The following ZNF217 variants were observed in gnomAD, a reference collection of about 807,000 sequenced individuals.
The protein encoded by ZNF217 is zinc finger protein 217.
In ZNF217, 12 loss-of-function variants were observed where a neutral mutation model predicts 73.3. The ratio of observed to expected loss-of-function variants is 0.16; its 90% confidence interval spans 0.10 to 0.27. The LOEUF (loss-of-function observed/expected upper bound fraction) is 0.27, where lower values mean the gene tolerates loss of function less well. Ranked by LOEUF, ZNF217 falls within the 10% of genes least tolerant of loss-of-function variation. The pLI, the probability that ZNF217 is intolerant of heterozygous loss-of-function variation, is 1.00. For synonymous variants in ZNF217, 588 were observed against 516.4 expected (o/e 1.14, Z -1.88); for missense variants, 1,195 against 1,327.8 (o/e 0.90, Z 1.55).
At chr20:53,580,298 C>T (rs527796102) in intron 2 of ZNF217, among the ~76,000 whole-genome samples, 31 of 152,152 alleles carry the variant, frequency 2.0e-4, no homozygotes, top group African/African-American at 5.6e-4. Flanking sequence ...CTCATACACC[C>T]AGTTTTCCGA....
chr20:53,594,040 C>T (rs893511881), upstream of ZNF217, among the ~76,000 whole-genome samples: 27 of 148,086 alleles, frequency 1.8e-4, no homozygotes, highest in Non-Finnish European at 3.6e-4. Context: ...TCCAAGACCC[C>T]CCCCCAACAA....
In ZNF217 at chr20:53,581,710, TCTC is replaced by T; in HGVS notation, c.1114_1116del (p.Glu372del). 1.9e-6 allele frequency: 3 copies of T among 1,614,216 alleles called. No homozygotes were observed. Among genetic ancestry groups the T allele is most frequent in the Non-Finnish European group, 1.7e-6 (2 of 1,180,032 alleles). ...CCGCACTCGGAGCAGTGAGTGGGCT[TCTC>T]CTTGCTACTGGGTAACTTGGGATCC... On this transcript the variant is annotated inframe_deletion, in exon 2 of 6. Transcript: ENST00000371471. The surrounding 1 kb of genome is among the most constrained non-coding windows in gnomAD (Gnocchi z 4.9).
chr20:53,594,297 G>C (rs889009468), upstream of ZNF217, among the ~76,000 whole-genome samples: 11 of 150,918 alleles, frequency 7.3e-5, no homozygotes, highest in Non-Finnish European at 1.3e-4. Context: ...GCCCTCCCTC[G>C]GCCCCGCCGC....
At chr20:53,590,314 G>T (rs1988834543) in intron 1 of ZNF217, among the ~76,000 whole-genome samples, 2 of 152,156 alleles carry the variant, frequency 1.3e-5, no homozygotes, top group Non-Finnish European at 2.9e-5. Context: ...AAACTGAAAT[G>T]GGAAATTAGG....
chr20:53,595,634 T>G (rs1989028403), upstream of ZNF217, among the ~76,000 whole-genome samples: 1 of 152,268 alleles, frequency 6.6e-6, no homozygotes, highest in African/African-American at 2.4e-5. Flanking sequence ...TGCCAGTAGA[T>G]TCTTAGGCCA....
In ZNF217 at chr20:53,581,763, T is replaced by C. The variant is rs985790501; in HGVS notation, c.1064A>G (p.His355Arg). The C allele has an allele frequency of 5.0e-6, 8 of 1,614,120 alleles. No homozygotes were observed. In the Admixed American group the frequency reaches 6.7e-5, roughly 13 times the overall value. Residue 355 changes from histidine (H) to arginine (R), a missense_variant, in exon 2 of 6, where the codon CAC becomes CGC. Physicochemically the swap from His to Arg is conservative, Grantham distance 29. Coordinates refer to ENST00000371471, the MANE Select transcript of ZNF217 (RefSeq NM_006526.3). This position sits in a 1 kb window ranked among gnomAD's most constrained non-coding sequence, Gnocchi z 4.9. The stretch of plus-strand genomic sequence containing the variant: ...CGCGTCCACGGAGGGCGCTTCGCCG[T>C]GGGAGTGTTTGCACTTCTCTTTCTC... ...SQEKEKCKHSHGEAPSVDADP... is the reference protein window; with the variant it reads ...SQEKEKCKHSRGEAPSVDADP...
intron 4 of ZNF217, among the ~76,000 whole-genome samples, chr20:53,572,314 AG>A (rs1024610714): frequency 4.7e-4 from 72 of 152,212 alleles, no homozygotes; most frequent in African/African-American, 1.7e-3. Context: ...CTGAGACGGA[AG>A]GATGGAAGGA....
intron 1 of ZNF217, among the ~76,000 whole-genome samples, chr20:53,588,241 G>C (rs1248237215): frequency 6.6e-6 from 1 of 151,978 alleles, no homozygotes; most frequent in African/African-American, 2.4e-5. Flanking sequence ...GGTCAGTTAA[G>C]GGATCTTAGT....
At chr20:53,569,363 C>T (rs1987890988) in intron 5 of ZNF217, 99 bp from the exon 6 acceptor site, 1 of 834,094 alleles carries the variant, frequency 1.2e-6, no homozygotes, top group South Asian at 1.8e-5. Context: ...ACCAAACTGA[C>T]CTAGAAATGC....
At chr20:53,569,635 T>C (rs1431996138) in intron 5 of ZNF217, among the ~76,000 whole-genome samples, 1 of 152,176 alleles carries the variant, frequency 6.6e-6, no homozygotes, top group Non-Finnish European at 1.5e-5. Flanking sequence ...CTGCCCGCCT[T>C]GGCCTCCCAA....
At position 53,576,030 on chromosome 20, in the gene ZNF217, A is replaced by C; in HGVS notation, c.2734T>G (p.Phe912Val). The C allele has an allele frequency of 6.2e-7, 1 of 1,614,150 alleles. No homozygotes were observed. The highest frequency in any genetic ancestry group is 8.5e-7 in the Non-Finnish European group (1 of 1,180,026). Reference protein sequence around the residue: ...NRSASNTAAEFGEPLPKRLKS... With the variant: ...NRSASNTAAEVGEPLPKRLKS... Reference sequence around the variant, plus strand: ...AGTCTTTTTGGAAGGGGCTCACCAAATTCTGCTGCAGTATTGCTGGCACTC... The same window carrying C: ...AGTCTTTTTGGAAGGGGCTCACCAACTTCTGCTGCAGTATTGCTGGCACTC... The change falls in exon 4 of 6, where the codon TTT becomes GTT. Residue 912 changes from phenylalanine to valine, a missense_variant. By Grantham distance (50) the Phe-to-Val change is conservative. Around this residue, in one of 9 missense-constraint regions of ZNF217, gnomAD observed 649 missense variants for 642.8 expected, o/e 1.01. Transcript: ENST00000371471.
chr20:53,584,541 T>C lies in ZNF217; in HGVS notation c.-342-1373A>G, dbSNP rs564821045. ...AGTCTTTTCTTTGTTGCTATCACAA[T>C]GGAGGATCAACACATGGGCTGGTGA... is the stretch of plus-strand genomic sequence containing the variant. On this transcript the variant is annotated intron_variant, in intron 1 of 5. Transcript: ENST00000371471. 9.8e-5 allele frequency among the ~76,000 whole-genome samples: 15 copies of C among 152,334 alleles called. No individual in the cohort carries two copies. The East Asian group carries it at 2.3e-3, about 23-fold the overall frequency.
intron 1 of ZNF217, among the ~76,000 whole-genome samples, chr20:53,591,659 T>A (rs938510246): frequency 6.6e-6 from 1 of 152,206 alleles, no homozygotes; most frequent in African/African-American, 2.4e-5. Flanking sequence ...AAAAGTTATC[T>A]ACCATTAAGG....
At chr20:53,593,567 C>T (rs1988959474) in intron 1 of ZNF217, among the ~76,000 whole-genome samples, 189 bp downstream of exon 1, 1 of 151,796 alleles carries the variant, frequency 6.6e-6, no homozygotes, top group Non-Finnish European at 1.5e-5. Context: ...TTCCCGCGGG[C>T]GGAAGCGCAG....
At chr20:53,575,633 C>T (rs937742532) in intron 4 of ZNF217, 94 bp downstream of exon 4, 2 of 1,268,764 alleles carry the variant, frequency 1.6e-6, no homozygotes, top group Middle Eastern at 2.6e-4. Flanking sequence ...CTACCCCCCA[C>T]CCTTGGGAGT....
At position 53,567,305 on chromosome 20, in the gene ZNF217, T is replaced by C. The variant is rs1457385222; in HGVS notation, c.*1983A>G. On this transcript the variant is annotated 3_prime_UTR_variant, in exon 6 of 6. Transcript: ENST00000371471. Reference sequence around the variant, plus strand: ...AAATATAAAACCAGTAGTATACCAATAGTTAATACTGATGGACACAAAAAC... The same window carrying C: ...AAATATAAAACCAGTAGTATACCAACAGTTAATACTGATGGACACAAAAAC... 1.3e-5 allele frequency: 2 copies of C among 152,616 alleles called. No individual in the cohort carries two copies. The highest frequency in any genetic ancestry group is 4.8e-5 in the African/African-American group (2 of 41,456). 9.5% of individuals were successfully genotyped at this position (152,616 alleles called of 1,614,324 possible).
At chr20:53,579,327 T>G (rs965107251) in intron 2 of ZNF217, among the ~76,000 whole-genome samples, 2 of 152,166 alleles carry the variant, frequency 1.3e-5, no homozygotes, top group Non-Finnish European at 2.9e-5. Flanking sequence ...ATCATATCAC[T>G]ATCCACCTGT....
chr20:53,570,538 G>A (rs1799065617), intron 5 of ZNF217: 1 of 152,536 alleles, frequency 6.6e-6, no homozygotes, highest in African/African-American at 2.4e-5. Context: ...TCTTATTGTT[G>A]AATGAGTCAT....
rs752767264 is a variant in ZNF217 at position 53,581,577 on chromosome 20, G to A, written c.1250C>T (p.Pro417Leu). ...GGCGAGGTCAGGAGAACACGTCCCC[G>A]GCTGCCTCCCGTCCACAGACATGGT... The part of the protein sequence containing the change: ...SPTMSVDGRQ[P>L]GTCSPDLAAP... Residue 417 changes from proline (P) to leucine (L), a missense_variant, in exon 2 of 6, where the codon CCG becomes CTG. Physicochemically the swap from Pro to Leu is moderately conservative, Grantham distance 98 (BLOSUM62 -3). Transcript: ENST00000371471. This position sits in a 1 kb window ranked among gnomAD's most constrained non-coding sequence, Gnocchi z 4.9. 10 of 1,614,208 alleles carry A rather than the reference G, an allele frequency of 6.2e-6. No individual in the cohort carries two copies. The highest frequency in any genetic ancestry group is 1.3e-5 in the African/African-American group (1 of 75,050).
Sources: gnomAD v4.1 joint callset for allele counts (sites outside exome capture counted in the v4.1 genomes callset) on GRCh38, gnomAD v4.1.1 for gene constraint, gnomAD v4.1.1 regional missense constraint, Gnocchi (gnomAD v3.1) non-coding constraint, MANE v1.5 for transcripts, NCBI Gene and HGNC (gene_info 2026-07-23, HGNC 2026-07-21) for gene names.